MYOM3: variants seen among roughly 807,000 people sequenced by gnomAD.
MYOM3 encodes myomesin 3.
MYOM3 carries 155 observed loss-of-function variants against 191.7 expected under a neutral mutation model. That is an observed-to-expected ratio of 0.81 (90% confidence interval 0.71 to 0.92). MYOM3 has a LOEUF of 0.92. Among genes scored for constraint, MYOM3 ranks in the 40% least tolerant of loss-of-function variants. The pLI is 0.00. For synonymous variants in MYOM3, 757 were observed against 762.9 expected, an observed-to-expected ratio of 0.99 and a Z score of 0.13; for missense variants, 1,889 against 1,890.6, an observed-to-expected ratio of 1.00 and a Z score of 0.02.
rs763167209 is a variant in MYOM3, at chr1:24,093,105, C to T, written c.932G>A (p.Ser311Asn). Residue 311 changes from serine to asparagine, a missense_variant, in exon 10 of 37, where the codon AGC (serine) becomes AAC (asparagine). Transcript: ENST00000374434. ...AESIQWFRDGSLLRSSRRRKI... is the reference protein window; with the variant it reads ...AESIQWFRDGNLLRSSRRRKI... ...CCGACGTCTCGAGGACCTCAGTAGG[C>T]TCCCTGTGGAGGGGAAGTGGGGGGC... 4 of 1,606,864 alleles carry T rather than the reference C, an allele frequency of 2.5e-6. No individual in the cohort carries two copies. The South Asian group carries it at 3.3e-5, about 13-fold the overall frequency.
chr1:24,107,442 A>C (rs1643993549), intron 3 of MYOM3, among the ~76,000 whole-genome samples: 1 of 152,136 alleles, frequency 6.6e-6, no homozygotes, highest in Non-Finnish European at 1.5e-5. Context: ...CATTGTTTTC[A>C]AGGCTCTTTC....
chr1:24,071,016 G>A (rs569352617), intron 25 of MYOM3, 101 bp downstream of exon 25: 497 of 1,383,094 alleles, frequency 3.6e-4, no homozygotes, highest in Non-Finnish European at 4.7e-4. Context: ...TTTCTGAAAT[G>A]GCCACTAGGG....
intron 32 of MYOM3, 36 bp from the exon 33 acceptor site, chr1:24,062,145 T>C (rs772004907): frequency 6.2e-7 from 1 of 1,609,902 alleles, no homozygotes; most frequent in Non-Finnish European, 8.5e-7. Flanking sequence ...TAAGGCTGCC[T>C]GTCTGCAGGT....
chr1:24,061,004 C>A, intron 35 of MYOM3, 56 bp downstream of exon 35: 1 of 1,608,804 alleles, frequency 6.2e-7, no homozygotes, highest in Non-Finnish European at 8.5e-7. Context: ...GTTGAGCTTC[C>A]AGGAAGTTTG....
intron 20 of MYOM3, among the ~76,000 whole-genome samples, chr1:24,076,929 C>T (rs1643608363): frequency 6.6e-6 from 1 of 152,146 alleles, no homozygotes; most frequent in Non-Finnish European, 1.5e-5. Flanking sequence ...TCAAGTGATT[C>T]TCCTGCCTCA....
chr1:24,076,104 C>T (rs1570864383), intron 21 of MYOM3, 55 bp downstream of exon 21: 15 of 1,407,826 alleles, frequency 1.1e-5, no homozygotes, highest in South Asian at 6.9e-5. Context: ...GAACTCCACC[C>T]GTCCCCAGTG....
At chr1:24,100,583 C>T (rs958849956) in intron 5 of MYOM3, among the ~76,000 whole-genome samples, 1 of 152,164 alleles carries the variant, frequency 6.6e-6, no homozygotes, top group Non-Finnish European at 1.5e-5. Context: ...GCCGGAGGAG[C>T]TTTCAAAAAT....
intron 36 of MYOM3, 47 bp from the exon 37 acceptor site, chr1:24,057,674 G>C: frequency 6.3e-7 from 1 of 1,580,942 alleles, no homozygotes; most frequent in Non-Finnish European, 8.6e-7. Flanking sequence ...CTTGTAACTT[G>C]AACTTAGCAT....
At position 24,080,175 on chromosome 1, in the gene MYOM3, C is replaced by T; in HGVS notation, c.2427G>A (p.Arg809=). The part of the protein sequence containing the change: ...MPQPGPPYDV[R]ASEVRATSLV... ...GGGATGTGGCCCGCACCTCGGATGC[C>T]CGTACATCGTACGGGGGGCCTGTGA... is the stretch of plus-strand genomic sequence containing the variant. Residue 809 remains arginine, a synonymous_variant, in exon 20 of 37, where the codon CGG becomes CGA. Coordinates refer to ENST00000374434, the MANE Select transcript of MYOM3 (RefSeq NM_152372.4). 6.2e-7 allele frequency: 1 copy of T among 1,612,802 alleles called. No individual in the cohort carries two copies. The highest frequency in any genetic ancestry group is 1.1e-5 in the South Asian group (1 of 90,908).
chr1:24,096,714 G>C (rs542272491), intron 7 of MYOM3, among the ~76,000 whole-genome samples: 1 of 152,148 alleles, frequency 6.6e-6, no homozygotes, highest in East Asian at 1.9e-4. Context: ...GTATGAGTGC[G>C]CGTGTGTGTA....
At chr1:24,104,615 A>G (rs1039147210) in intron 5 of MYOM3, among the ~76,000 whole-genome samples, 60 of 152,248 alleles carry the variant, frequency 3.9e-4, no homozygotes, top group Middle Eastern at 3.4e-3. Flanking sequence ...AGCTGGGATT[A>G]CAGGCACCCG....
chr1:24,061,256 A>T lies in MYOM3; in HGVS notation c.3971+17T>A, dbSNP rs763551551. ...AGGGGCCTATAATTCACACTGAGAA[A>T]TGTAGAGGAAACTTACTTCAGTCTC... On this transcript the variant is annotated intron_variant, in intron 34 of 36. Transcript: ENST00000374434. 3 of 1,614,006 alleles carry T rather than the reference A, an allele frequency of 1.9e-6. No individual in the cohort carries two copies. In the Admixed American group the frequency reaches 5.0e-5, roughly 27 times the overall value.
At chr1:24,084,176 G>A in intron 16 of MYOM3, 1 of 355,568 alleles carries the variant, frequency 2.8e-6, no homozygotes, top group Non-Finnish European at 5.3e-6. Context: ...CCGCTTTGCT[G>A]TTGTCAAGAT....
At position 24,076,181 on chromosome 1, in the gene MYOM3, G is replaced by A. The variant is rs528961807; in HGVS notation, c.2679C>T (p.Pro893=). The change falls in exon 21 of 37, where the codon CCC becomes CCT. Residue 893 remains proline, a synonymous_variant. Coordinates refer to ENST00000374434, the MANE Select transcript of MYOM3 (RefSeq NM_152372.4). ...TACCTGGCTTGTCCTCCAGGAGCACGGGATCAGTGGGCATGGACGGTTGCC... is the reference window on the plus strand; with the variant it reads ...TACCTGGCTTGTCCTCCAGGAGCACAGGATCAGTGGGCATGGACGGTTGCC... The part of the protein sequence containing the change: ...GLGQPSMPTD[P]VLLEDKPGAH... The A allele has an allele frequency of 5.6e-6, 9 of 1,614,100 alleles. No homozygotes were observed. The highest frequency in any genetic ancestry group is 5.0e-5 in the Admixed American group (3 of 60,034).
At position 24,074,167 on chromosome 1, in the gene MYOM3, G is replaced by A. The variant is rs199972988; in HGVS notation, c.2961C>T (p.Thr987=). The A allele has an allele frequency of 4.8e-5, 78 of 1,613,120 alleles. No individual in the cohort carries two copies. In the African/African-American group the frequency reaches 8.9e-4, roughly 18 times the overall value. The part of the protein sequence containing the change: ...DEDISASHTL[T]EEELEKLKKL... The stretch of plus-strand genomic sequence containing the variant: ...GCGGGGTAGGTGCATTACCTTCCTC[G>A]GTTAGCGTGTGGCTTGCGGAGATGT... The change falls in exon 23 of 37, where the codon ACC becomes ACT. Residue 987 remains threonine, a synonymous_variant. Transcript: ENST00000374434.
chr1:24,076,371 C>A (rs1459454122), intron 20 of MYOM3, 98 bp from the exon 21 acceptor site: 1 of 804,104 alleles, frequency 1.2e-6, no homozygotes, highest in Admixed American at 2.0e-5. Context: ...TAAGAAAACC[C>A]TCTCCCTTCT....
At chr1:24,091,037 T>G (rs1643816008) in intron 11 of MYOM3, 41 bp from the exon 12 acceptor site, 4 of 1,604,814 alleles carry the variant, frequency 2.5e-6, no homozygotes, top group African/African-American at 1.3e-5. Flanking sequence ...CTGCCCACAA[T>G]GCACACCTTC....
intron 8 of MYOM3, 43 bp from the exon 9 acceptor site, chr1:24,095,033 C>T: frequency 1.3e-6 from 2 of 1,594,372 alleles, no homozygotes; most frequent in Non-Finnish European, 1.7e-6. Context: ...TTTGAGGCAG[C>T]CAGCCTGGCC....
intron 35 of MYOM3, 85 bp from the exon 36 acceptor site, chr1:24,059,064 T>G: frequency 1.2e-6 from 1 of 840,006 alleles, no homozygotes; most frequent in Admixed American, 2.7e-5. Flanking sequence ...GGTTTATTTT[T>G]AAGCAAGGCT....
Sources: gnomAD v4.1 joint callset for allele counts (sites outside exome capture counted in the v4.1 genomes callset) on GRCh38, gnomAD v4.1.1 for gene constraint, MANE v1.5 for transcripts, NCBI Gene and HGNC (gene_info 2026-07-23, HGNC 2026-07-21) for gene names.